The following SARNP variants were observed in gnomAD, a reference collection of about 807,000 sequenced individuals.
The protein encoded by SARNP is SAP domain-containing ribonucleoprotein.
SARNP carries 5 observed loss-of-function variants against 38.1 expected under a neutral mutation model. The ratio of observed to expected loss-of-function variants is 0.13; its 90% confidence interval spans 0.07 to 0.28. The LOEUF (loss-of-function observed/expected upper bound fraction) is 0.28, where lower values mean the gene tolerates loss of function less well. SARNP is among the 10% of genes least tolerant of loss of function. The probability of loss-of-function intolerance (pLI) is 1.00; values close to 1 mark genes in which losing one functional copy is unlikely to be tolerated. For missense variants in SARNP, 180 were observed against 243.9 expected (o/e 0.74, Z 1.75); for synonymous variants, 84 against 80.6 (o/e 1.04, Z -0.23).
intron 9 of SARNP, among the ~76,000 whole-genome samples, chr12:55,783,781 GAGC>G (rs1200273358): frequency 6.6e-6 from 1 of 151,656 alleles, no homozygotes; most frequent in Admixed American, 6.6e-5. Context: ...AAGAGGAGAT[GAGC>G]AGATTGTGAC....
chr12:55,798,785 G>C (rs1163231366), intron 4 of SARNP, among the ~76,000 whole-genome samples: 1 of 152,172 alleles, frequency 6.6e-6, no homozygotes, highest in Admixed American at 6.5e-5. Flanking sequence ...CTGGGTGATA[G>C]GTAGATGAGA....
intron 8 of SARNP, among the ~76,000 whole-genome samples, chr12:55,789,366 G>A (rs1005761087): frequency 5.3e-5 from 8 of 152,112 alleles, no homozygotes; most frequent in Non-Finnish European, 1.0e-4. Flanking sequence ...TTTATCACAG[G>A]TGTCAAGAGC....
intron 4 of SARNP, among the ~76,000 whole-genome samples, chr12:55,796,442 G>A (rs1371429070): frequency 7.2e-5 from 11 of 151,954 alleles, no homozygotes; most frequent in South Asian, 2.1e-4. Flanking sequence ...TGCTCTTGTC[G>A]CCCAGGCTGG....
At chr12:55,771,914 T>C (rs1184021220) in intron 9 of SARNP, among the ~76,000 whole-genome samples, 1 of 152,060 alleles carries the variant, frequency 6.6e-6, no homozygotes. Context: ...GAGGTAAAGG[T>C]TATGAAACAC....
intron 4 of SARNP, among the ~76,000 whole-genome samples, chr12:55,797,523 C>G (rs761646004): frequency 3.9e-5 from 6 of 152,180 alleles, no homozygotes; most frequent in Admixed American, 1.3e-4. Context: ...GCACAAAAGG[C>G]TAAAGTTTAA....
chr12:55,761,302 C>T (rs1878668653), intron 9 of SARNP, among the ~76,000 whole-genome samples: 1 of 152,154 alleles, frequency 6.6e-6, no homozygotes, highest in African/African-American at 2.4e-5. Flanking sequence ...CCCAAAGTTA[C>T]ACCTAGTAAC....
intron 4 of SARNP, 53 bp from the exon 5 acceptor site, chr12:55,796,129 A>G: frequency 7.9e-7 from 1 of 1,269,778 alleles, no homozygotes; most frequent in Non-Finnish European, 1.1e-6. Context: ...CTAAACCACA[A>G]CCTCAGAAAT....
chr12:55,776,413 C>A lies in SARNP; in HGVS notation c.501+12662G>T, dbSNP rs1879183984. Among the ~76,000 whole-genome samples, 7 of 152,054 alleles carry A rather than the reference C, an allele frequency of 4.6e-5. 2 individuals carry two copies. Among genetic ancestry groups the A allele is most frequent in the Admixed American group, 4.6e-4 (7 of 15,242 alleles). On this transcript the variant is annotated intron_variant, in intron 9 of 10. Coordinates refer to ENST00000336133, the MANE Select transcript of SARNP (RefSeq NM_033082.4). ...GGGACACGGCACTCTATAAGTGAGA[C>A]CACATCTTTAAAAACAAAACAAAAC...
chr12:55,782,445 A>G (rs1233686064), intron 9 of SARNP, among the ~76,000 whole-genome samples: 1 of 152,196 alleles, frequency 6.6e-6, no homozygotes, highest in Non-Finnish European at 1.5e-5. Flanking sequence ...AATACCAAAC[A>G]ATCCACTCAA....
intron 10 of SARNP, chr12:55,760,304 C>G: frequency 4.2e-6 from 2 of 481,336 alleles, no homozygotes; most frequent in Non-Finnish European, 7.3e-6. Context: ...AGTTTGAGAC[C>G]AGCCTGAGCA....
chr12:55,795,660 C>T (rs1879798832), intron 5 of SARNP, among the ~76,000 whole-genome samples: 1 of 152,142 alleles, frequency 6.6e-6, no homozygotes, highest in Admixed American at 6.5e-5. Flanking sequence ...CAGTCCTGCA[C>T]CACAGAAACC....
chr12:55,764,896 T>C (rs1227063753), intron 9 of SARNP, among the ~76,000 whole-genome samples: 2 of 150,554 alleles, frequency 1.3e-5, no homozygotes, highest in Non-Finnish European at 3.0e-5. Context: ...CATTTTTTAC[T>C]AACAAAGTCA....
intron 1 of SARNP, 140 bp downstream of exon 1, chr12:55,817,526 T>G (rs1592588598): frequency 7.1e-6 from 5 of 705,588 alleles, no homozygotes; most frequent in African/African-American, 1.8e-5. Context: ...TGTGGAAGGG[T>G]GGCACAAAAG....
chr12:55,786,833 T>G (rs1428743796), intron 9 of SARNP, among the ~76,000 whole-genome samples: 1 of 152,186 alleles, frequency 6.6e-6, no homozygotes, highest in African/African-American at 2.4e-5. Context: ...CTTCAAATTT[T>G]TTCTTACTTC....
intron 5 of SARNP, 49 bp from the exon 6 acceptor site, chr12:55,794,929 A>C: frequency 1.3e-6 from 1 of 788,456 alleles, no homozygotes. Flanking sequence ...TTTATGGTTT[A>C]AGAAAGTCAG....
At chr12:55,789,003 T>C in intron 9 of SARNP, 72 bp downstream of exon 9, 1 of 999,502 alleles carries the variant, frequency 1.0e-6, no homozygotes. Flanking sequence ...AGGAGGGTCA[T>C]TTCCAGCCTA....
chr12:55,807,481 G>GA (rs889618923), intron 1 of SARNP, among the ~76,000 whole-genome samples: 2 of 151,816 alleles, frequency 1.3e-5, no homozygotes, highest in African/African-American at 4.8e-5. Flanking sequence ...ACCAGCCTGG[G>GA]AAACACCATG....
At chr12:55,809,283 G>T (rs557164315) in intron 1 of SARNP, among the ~76,000 whole-genome samples, 1 of 144,374 alleles carries the variant, frequency 6.9e-6, no homozygotes, top group African/African-American at 2.5e-5. Context: ...TAAGGCTATT[G>T]AAAAAAAAAA....
At chr12:55,795,785 G>C (rs1879802102) in intron 5 of SARNP, among the ~76,000 whole-genome samples, 1 of 152,132 alleles carries the variant, frequency 6.6e-6, no homozygotes, top group South Asian at 2.1e-4. Flanking sequence ...ACATCTCAAA[G>C]AGAGTCACTG....
Sources: gnomAD v4.1 joint callset for allele counts (sites outside exome capture counted in the v4.1 genomes callset) on GRCh38, gnomAD v4.1.1 for gene constraint, MANE v1.5 for transcripts, NCBI Gene and HGNC (gene_info 2026-07-23, HGNC 2026-07-21) for gene names.